Variants in SSC5D observed in about 807,000 individuals in gnomAD.
SSC5D encodes the protein scavenger receptor cysteine rich family member with 5 domains, also known as soluble scavenger receptor cysteine-rich domain-containing protein SSC5D.
Under a neutral mutation model 104.6 loss-of-function variants are expected in SSC5D, and 106 were observed. That is an observed-to-expected ratio of 1.01 (90% CI 0.87 to 1.19). The LOEUF is 1.19. SSC5D is among the 50% of genes most tolerant of loss of function. The pLI is 0.00. For synonymous variants in SSC5D, 860 were observed against 883.5 expected (o/e 0.97, Z 0.47); for missense variants, 1,993 against 2,153.8 (o/e 0.93, Z 1.48).
chr19:55,490,468 GA>G, intron 5 of SSC5D, 60 bp downstream of exon 5: 1 of 649,296 alleles, frequency 1.5e-6, no homozygotes. Flanking sequence ...CCAGGGCCCA[GA>G]AAAACTGAGG....
intron 9 of SSC5D, among the ~76,000 whole-genome samples, chr19:55,498,555 G>C (rs192805486): frequency 6.6e-6 from 1 of 152,308 alleles, no homozygotes; most frequent in African/African-American, 2.4e-5. Context: ...ACGATGAAAG[G>C]AAGCAGGCAG....
chr19:55,496,347 A>G (rs1172259507), intron 8 of SSC5D, among the ~76,000 whole-genome samples: 1 of 152,238 alleles, frequency 6.6e-6, no homozygotes, highest in Non-Finnish European at 1.5e-5. Flanking sequence ...CCAAGATGTC[A>G]AAGCATCAGA....
chr19:55,497,055 C>G (rs1031095007), intron 8 of SSC5D, among the ~76,000 whole-genome samples: 1 of 152,198 alleles, frequency 6.6e-6, no homozygotes, highest in Non-Finnish European at 1.5e-5. Flanking sequence ...GCCACCGTGC[C>G]GGGCCTGCTG....
intron 8 of SSC5D, among the ~76,000 whole-genome samples, chr19:55,497,174 C>A (rs1987346920): frequency 6.6e-6 from 1 of 152,200 alleles, no homozygotes; most frequent in African/African-American, 2.4e-5. Flanking sequence ...TTGGGTACTT[C>A]CACTACTCCC....
chr19:55,513,729 G>A (rs1477431713), intron 13 of SSC5D, among the ~76,000 whole-genome samples: 1 of 152,176 alleles, frequency 6.6e-6, no homozygotes, highest in Non-Finnish European at 1.5e-5. Flanking sequence ...ATCGGTAGAG[G>A]CCGGGGTGGT....
intron 12 of SSC5D, among the ~76,000 whole-genome samples, chr19:55,506,689 C>T (rs377077600): frequency 6.6e-5 from 10 of 152,132 alleles, no homozygotes; most frequent in East Asian, 1.9e-4. Flanking sequence ...CCACCGCGCC[C>T]GGCCGGAGTT....
In SSC5D at chr19:55,500,865, G is replaced by A. The variant is rs1214276511; in HGVS notation, c.2617+61G>A. 1.3e-6 allele frequency: 2 copies of A among 1,515,498 alleles called. No homozygotes were observed. The highest frequency in any genetic ancestry group is 4.1e-5 in the Admixed American group (2 of 48,842). 93.9% of individuals were successfully genotyped at this position (1,515,498 alleles called of 1,614,324 possible). On this transcript the variant is annotated intron_variant, in intron 11 of 13. Coordinates refer to ENST00000389623, the MANE Select transcript of SSC5D (RefSeq NM_001144950.2). This position sits in a 1 kb window ranked among gnomAD's most constrained non-coding sequence, Gnocchi z 4.6. The stretch of plus-strand genomic sequence containing the variant: ...GGGTGGCCAGGAGAATGGAGTCAGG[G>A]TGGGGCCAGGTGACGGCACCATGGT...
At position 55,500,702 on chromosome 19, in the gene SSC5D, A is replaced by G. The variant is rs574817101; in HGVS notation, c.2515A>G (p.Met839Val). The stretch of plus-strand genomic sequence containing the variant: ...GACTGGGCCCATCTGGCTGGATGAC[A>G]TGGGCTGTAAGGGAAGCGAGGCCTC... ...PGTGPIWLDD[M>V]GCKGSEASLS... Residue 839 changes from methionine to valine, a missense_variant, in exon 11 of 14, where the codon ATG becomes GTG. Around this residue, in one of 6 missense-constraint regions of SSC5D, gnomAD observed 70 missense variants for 107.1 expected, o/e 0.65. Coordinates refer to ENST00000389623, the MANE Select transcript of SSC5D (RefSeq NM_001144950.2). This position sits in a 1 kb window ranked among gnomAD's most constrained non-coding sequence, Gnocchi z 4.6. 1 of 1,551,644 alleles carries G rather than the reference A, an allele frequency of 6.4e-7. No homozygotes were observed. The highest frequency in any genetic ancestry group is 2.4e-5 in the East Asian group (1 of 40,918).
intron 6 of SSC5D, among the ~76,000 whole-genome samples, chr19:55,493,283 G>A (rs528825281): frequency 1.3e-5 from 2 of 152,270 alleles, no homozygotes; most frequent in African/African-American, 4.8e-5. Flanking sequence ...AATGCCAGTG[G>A]TGCTGAGACT....
Position 55,498,171 on chromosome 19 carries a change from A to G in SSC5D, c.1679A>G (p.Asn560Ser). The change falls in exon 9 of 14, where the codon AAT becomes AGT. Residue 560 changes from asparagine to serine, a missense_variant. Transcript: ENST00000389623. ...TGGGGAAAGCACAACTGCGCTCACAATGAGGATGTTGGGGTCACCTGCACT... is the reference window on the plus strand; with the variant it reads ...TGGGGAAAGCACAACTGCGCTCACAGTGAGGATGTTGGGGTCACCTGCACT... ...APWGKHNCAH[N>S]EDVGVTCTGP... 1 of 1,551,756 alleles carries G rather than the reference A, an allele frequency of 6.4e-7. No homozygotes were observed. Among genetic ancestry groups the G allele is most frequent in the Non-Finnish European group, 8.7e-7 (1 of 1,146,996 alleles).
intron 12 of SSC5D, among the ~76,000 whole-genome samples, chr19:55,509,736 G>A (rs1245015719): frequency 1.3e-5 from 2 of 150,150 alleles, no homozygotes; most frequent in Admixed American, 6.7e-5. Context: ...GCAGGCGCCT[G>A]TAATCCCAGC....
intron 13 of SSC5D, among the ~76,000 whole-genome samples, chr19:55,514,733 C>T (rs542009347): frequency 6.6e-6 from 1 of 152,202 alleles, no homozygotes; most frequent in South Asian, 2.1e-4. Flanking sequence ...GCACAGACAT[C>T]AGTGACTCTG....
intron 6 of SSC5D, chr19:55,492,389 G>C (rs1056662956): frequency 1.3e-5 from 2 of 152,230 alleles, no homozygotes; most frequent in Non-Finnish European, 2.9e-5. Flanking sequence ...TACAAGCTGT[G>C]GGGGAAGAAG....
At chr19:55,493,983 GGGGC>G (rs2123433766) in intron 7 of SSC5D, 71 bp downstream of exon 7, 26 of 294,626 alleles carry the variant, frequency 8.8e-5, no homozygotes, top group East Asian at 4.9e-4. Context: ...AAGTTCGGCG[GGGGC>G]GGGGGGGTCC....
intron 12 of SSC5D, among the ~76,000 whole-genome samples, chr19:55,504,572 C>T (rs1987596961): frequency 6.6e-6 from 1 of 152,226 alleles, no homozygotes; most frequent in South Asian, 2.1e-4. Flanking sequence ...GCTATCTCAG[C>T]TCACTGCAAC....
At position 55,519,079 on chromosome 19, in the gene SSC5D, A is replaced by G; in HGVS notation, c.*81A>G. 1.4e-6 allele frequency: 2 copies of G among 1,409,968 alleles called. No homozygotes were observed. Among genetic ancestry groups the G allele is most frequent in the Non-Finnish European group, 1.9e-6 (2 of 1,049,408 alleles). The allele number at this position is 1,409,968 out of a possible 1,614,324, so 87.3% of individuals were successfully genotyped here. A position where few individuals can be genotyped will look rare whatever the true frequency, so the allele number is the denominator to read the frequency against. On this transcript the variant is annotated 3_prime_UTR_variant, in exon 14 of 14. Coordinates refer to ENST00000389623, the MANE Select transcript of SSC5D (RefSeq NM_001144950.2). ...AAAAAAACCCCCAAAGTATCTAATTAAAAACAAGGTGTGAATGGTATTTTT... is the reference window on the plus strand; with the variant it reads ...AAAAAAACCCCCAAAGTATCTAATTGAAAACAAGGTGTGAATGGTATTTTT...
chr19:55,495,233 A>ATATATATATATT (rs1555765051), intron 8 of SSC5D, among the ~76,000 whole-genome samples: 2 of 50,662 alleles, frequency 3.9e-5, no homozygotes, highest in African/African-American at 2.0e-4. Context: ...ATATATATAT[A>ATATATATATATT]TTTTTTTTTT....
intron 12 of SSC5D, 41 bp downstream of exon 12, chr19:55,501,242 A>G (rs1987496633): frequency 6.8e-7 from 1 of 1,470,762 alleles, no homozygotes; most frequent in East Asian, 2.5e-5. Flanking sequence ...GGCCTCCATA[A>G]ACCTCCATTC....
chr19:55,503,340 T>A lies in SSC5D; in HGVS notation c.2785+2139T>A, dbSNP rs993662411. Among the ~76,000 whole-genome samples, 3 of 152,116 alleles carry A rather than the reference T, an allele frequency of 2.0e-5. No homozygotes were observed. The highest frequency in any genetic ancestry group is 4.4e-5 in the Non-Finnish European group (3 of 68,016). On this transcript the variant is annotated intron_variant, in intron 12 of 13. Transcript: ENST00000389623. This position sits in a 1 kb window ranked among gnomAD's most constrained non-coding sequence, Gnocchi z 4.0. ...TCACGGTCGGTTTTGCTATATCACC[T>A]CATACTCTCATCGTCTCCATTTCTC...
Sources: allele counts gnomAD v4.1 joint callset (sites outside exome capture counted in the v4.1 genomes callset), GRCh38; gene constraint gnomAD v4.1.1; regional missense constraint gnomAD v4.1.1; non-coding constraint Gnocchi (gnomAD v3.1); transcripts MANE v1.5; gene names NCBI Gene and HGNC (gene_info 2026-07-23, HGNC 2026-07-21).